The following ARB2A variants were observed in gnomAD, a reference collection of about 807,000 sequenced individuals.
ARB2A encodes the protein ARB2 cotranscriptional regulator A, also known as cotranscriptional regulator ARB2A.
chr5:93,637,359 T>TG, the ARB2A span, among the ~76,000 whole-genome samples: 1 of 103,410 alleles, frequency 9.7e-6, no homozygotes, highest in Admixed American at 8.6e-5. Context: ...GTTTAGTTTT[T>TG]TTTTTTTTTT....
chr5:93,627,936 C>T, the ARB2A span, among the ~76,000 whole-genome samples: 1 of 151,554 alleles, frequency 6.6e-6, no homozygotes, highest in Non-Finnish European at 1.5e-5. Context: ...TTTTTCTGAG[C>T]AGTAGGTCTC....
chr5:94,082,338 T>C, the ARB2A span, among the ~76,000 whole-genome samples: 1 of 152,200 alleles, frequency 6.6e-6, no homozygotes, highest in African/African-American at 2.4e-5. Flanking sequence ...AATAACTTTA[T>C]TGTTATTATT....
chr5:93,900,438 C>T, the ARB2A span, among the ~76,000 whole-genome samples: 2 of 151,748 alleles, frequency 1.3e-5, no homozygotes, highest in Admixed American at 1.3e-4. Context: ...CGGTGAAACC[C>T]CGTCTCTACG....
the ARB2A span, among the ~76,000 whole-genome samples, chr5:93,713,447 A>AT: frequency 6.6e-6 from 1 of 152,250 alleles, no homozygotes; most frequent in Admixed American, 6.5e-5. Context: ...CAAGAGGTAC[A>AT]TAAAAAAAAG....
At chr5:94,079,338 A>G in the ARB2A span, among the ~76,000 whole-genome samples, 1 of 152,204 alleles carries the variant, frequency 6.6e-6, no homozygotes, top group Non-Finnish European at 1.5e-5. Context: ...ATTGGTCACA[A>G]GATGACCAGT....
chr5:93,926,632 C>A, the ARB2A span, among the ~76,000 whole-genome samples: 1 of 151,912 alleles, frequency 6.6e-6, no homozygotes, highest in Admixed American at 6.6e-5. Flanking sequence ...TCCAGATGAG[C>A]TATGGTGGAT....
chr5:93,773,598 T>C, the ARB2A span, among the ~76,000 whole-genome samples: 1 of 152,212 alleles, frequency 6.6e-6, no homozygotes, highest in Non-Finnish European at 1.5e-5. Context: ...CATTTTATTG[T>C]GCTTCAGTTT....
chr5:94,070,471 T>G, the ARB2A span, among the ~76,000 whole-genome samples: 2 of 152,066 alleles, frequency 1.3e-5, no homozygotes, highest in East Asian at 3.8e-4. Flanking sequence ...TATTTCAAGA[T>G]AGCTAGAAGA....
At chr5:94,082,183 A>G in the ARB2A span, among the ~76,000 whole-genome samples, 1 of 152,190 alleles carries the variant, frequency 6.6e-6, no homozygotes, top group Admixed American at 6.5e-5. Context: ...TCCCTTGCCC[A>G]TTAGTATCCC....
the ARB2A span, among the ~76,000 whole-genome samples, chr5:93,922,629 G>A: frequency 1.1e-5 from 1 of 90,042 alleles, no homozygotes; most frequent in Admixed American, 1.4e-4. Flanking sequence ...GAGGGGAGGG[G>A]AAAAGAAAGA....
the ARB2A span, among the ~76,000 whole-genome samples, chr5:94,104,456 A>G: frequency 1.3e-5 from 2 of 152,018 alleles, no homozygotes; most frequent in Non-Finnish European, 2.9e-5. Context: ...AGATTGAATC[A>G]GAAGGAAATT....
the ARB2A span, among the ~76,000 whole-genome samples, chr5:94,106,835 A>T: frequency 2.1e-5 from 3 of 139,590 alleles, no homozygotes; most frequent in African/African-American, 7.8e-5. Flanking sequence ...AGCAACATGG[A>T]TGGAGCTTCA....
At chr5:93,741,670 G>A in the ARB2A span, 1 of 1,329,650 alleles carries the variant, frequency 7.5e-7, no homozygotes, top group Non-Finnish European at 1.0e-6. Flanking sequence ...CGGAGAAGGC[G>A]TTACAAGCCA....
the ARB2A span, among the ~76,000 whole-genome samples, chr5:93,885,448 C>G: frequency 6.6e-6 from 1 of 151,610 alleles, no homozygotes; most frequent in Non-Finnish European, 1.5e-5. Context: ...GAAACCCTTT[C>G]TCTTATCTTT....
the ARB2A span, among the ~76,000 whole-genome samples, chr5:93,857,802 C>T: frequency 6.6e-6 from 1 of 152,174 alleles, no homozygotes; most frequent in East Asian, 1.9e-4. Flanking sequence ...CTGTCCTGCG[C>T]CCACGGTCTG....
the ARB2A span, among the ~76,000 whole-genome samples, chr5:94,051,773 A>G: frequency 6.6e-6 from 1 of 152,228 alleles, no homozygotes; most frequent in Non-Finnish European, 1.5e-5. Flanking sequence ...AAAGTATTCT[A>G]TAGAAAAGGA....
At chr5:94,044,127 A>C in the ARB2A span, among the ~76,000 whole-genome samples, 1 of 152,210 alleles carries the variant, frequency 6.6e-6, no homozygotes, top group African/African-American at 2.4e-5. Context: ...GGGTAACGTA[A>C]AAATCTGGAT....
the ARB2A span, among the ~76,000 whole-genome samples, chr5:93,778,576 CTT>C: frequency 1.3e-5 from 2 of 151,998 alleles, no homozygotes; most frequent in African/African-American, 4.8e-5. Flanking sequence ...ACAATTCAGT[CTT>C]TTCAATGACA....
At chr5:94,105,664 A>G in the ARB2A span, among the ~76,000 whole-genome samples, 4 of 152,088 alleles carry the variant, frequency 2.6e-5, no homozygotes, top group Admixed American at 1.3e-4. Flanking sequence ...AATAGCCTGA[A>G]TACCCAAAAC....
Sources: gnomAD v4.1 joint callset for allele counts (sites outside exome capture counted in the v4.1 genomes callset) on GRCh38, gnomAD v4.1.1 for gene constraint, MANE v1.5 for transcripts, NCBI Gene and HGNC (gene_info 2026-07-23, HGNC 2026-07-21) for gene names.